The following ARPC5 variants were observed in gnomAD, a reference collection of about 807,000 sequenced individuals.
ARPC5 encodes actin related protein 2/3 complex subunit 5.
A neutral mutation model predicts 15.4 loss-of-function variants in ARPC5; 5 were observed. That is an observed-to-expected ratio of 0.32 (90% CI 0.17 to 0.68). The LOEUF (loss-of-function observed/expected upper bound fraction) is 0.68, where lower values mean the gene tolerates loss of function less well. Ranked by LOEUF, ARPC5 falls within the 30% of genes least tolerant of loss-of-function variation. ARPC5 has a pLI of 0.71. For synonymous variants in ARPC5, 85 were observed against 72.2 expected (o/e 1.18, Z -0.90); for missense variants, 138 against 192.8 (o/e 0.72, Z 1.68).
At chr1:183,630,194 T>A (rs1274664193) in intron 3 of ARPC5, 2 of 289,788 alleles carry the variant, frequency 6.9e-6, no homozygotes, top group Non-Finnish European at 1.3e-5. Context: ...TATTGCTTAT[T>A]TTCTTTTACA....
At position 183,627,507 on chromosome 1, in the gene ARPC5, G is replaced by C; in HGVS notation, c.*25C>G. On this transcript the variant is annotated 3_prime_UTR_variant, in exon 4 of 4. Transcript: ENST00000359856. ...TTGTACCAGCAATTCCCACTCCCGA[G>C]GCAGATAATCCACTTCCTGCCAGAC... 2.5e-6 allele frequency: 4 copies of C among 1,609,130 alleles called. No individual in the cohort carries two copies. The highest frequency in any genetic ancestry group is 3.4e-6 in the Non-Finnish European group (4 of 1,175,672).
chr1:183,630,762 G>A, intron 2 of ARPC5, 125 bp from the exon 3 acceptor site: 1 of 856,662 alleles, frequency 1.2e-6, no homozygotes, highest in Non-Finnish European at 1.8e-6. Flanking sequence ...AAGAAGGCTT[G>A]GGATAACTGA....
intron 2 of ARPC5, chr1:183,632,211 G>C (rs576388930): frequency 3.1e-4 from 47 of 152,236 alleles, no homozygotes; most frequent in African/African-American, 1.1e-3. Context: ...TTGATGCTAT[G>C]GGCATCATTT....
At chr1:183,633,912 T>C (rs1427350498) in intron 1 of ARPC5, 2 of 152,212 alleles carry the variant, frequency 1.3e-5, no homozygotes, top group African/African-American at 4.8e-5. Context: ...ACCACAGAGT[T>C]CACTTGTTCC....
Position 183,627,589 on chromosome 1 carries a change from A to G in ARPC5, c.399T>C (p.Leu133=), listed in dbSNP as rs1649143475. The G allele has an allele frequency of 6.2e-7, 1 of 1,613,640 alleles. No individual in the cohort carries two copies. Residue 133 remains leucine, a synonymous_variant, in exon 4 of 4, where the codon CTT becomes CTC. Coordinates refer to ENST00000359856, the MANE Select transcript of ARPC5 (RefSeq NM_005717.4). ...CAATGGACCCTACTCCTCCAGCAGC[A>G]AGTGCCTAAAAACAAACCAAGATGT... ...AMLLQWHEKA[L]AAGGVGSIVR...
chr1:183,634,644 T>G (rs1037800181), intron 1 of ARPC5, among the ~76,000 whole-genome samples: 1 of 152,232 alleles, frequency 6.6e-6, no homozygotes, highest in African/African-American at 2.4e-5. Flanking sequence ...CTGCCATATT[T>G]TAACTAAAAT....
At chr1:183,627,895 C>T (rs555927660) in intron 3 of ARPC5, among the ~76,000 whole-genome samples, 3 of 151,886 alleles carry the variant, frequency 2.0e-5, no homozygotes, top group Non-Finnish European at 2.9e-5. Flanking sequence ...CAGCATAGGC[C>T]GGGCGCGGTG....
rs772954432 is a variant in ARPC5 at position 183,635,534 on chromosome 1, C to A, written c.126G>T (p.Val42=). 3 of 1,612,396 alleles carry A rather than the reference C, an allele frequency of 1.9e-6. No homozygotes were observed. Among genetic ancestry groups the A allele is most frequent in the Non-Finnish European group, 2.5e-6 (3 of 1,179,488 alleles). ...AAGGATATTGCCGCAGGCAGGAGTCCACCTCGCCCTCGTCGGGCCCGGCCT... is the reference window on the plus strand; with the variant it reads ...AAGGATATTGCCGCAGGCAGGAGTCAACCTCGCCCTCGTCGGGCCCGGCCT... ...DGQAGPDEGE[V]DSCLRQGNMT... The change falls in exon 1 of 4, where the codon GTG becomes GTT. Residue 42 remains valine (V), a synonymous_variant. Transcript: ENST00000359856.
intron 2 of ARPC5, 37 bp from the exon 3 acceptor site, chr1:183,630,674 T>G (rs755526506): frequency 4.4e-6 from 7 of 1,583,798 alleles, no homozygotes; most frequent in African/African-American, 1.4e-5. Context: ...TTTAGACATA[T>G]CTGTATGAGG....
At chr1:183,633,930 C>G (rs1251565301) in intron 1 of ARPC5, 3 of 152,188 alleles carry the variant, frequency 2.0e-5, no homozygotes, top group Non-Finnish European at 4.4e-5. Context: ...TCCTCCAACT[C>G]TAGTACCCCA....
At position 183,634,901 on chromosome 1, in the gene ARPC5, CCTT is replaced by C. The variant is rs748276518; in HGVS notation, c.143+613_143+615del. On this transcript the variant is annotated intron_variant, in intron 1 of 3. Transcript: ENST00000359856. ...GTACAATGTATATTTTGCCAAATCC[CCTT>C]CTTCTTCTTCTTTTTTTTTTTTTTT... 9.9e-3 allele frequency among the ~76,000 whole-genome samples: 1,449 copies of C among 147,000 alleles called. 7 individuals are homozygous for C. Among genetic ancestry groups the C allele is most frequent in the African/African-American group, 0.023 (885 of 38,658 alleles).
rs778352916 is a variant in ARPC5, at chr1:183,635,588, G to A, written c.72C>T (p.Phe24=). ...CGTCGCCCCCATCTTCTTCGTCCAC[G>A]AACTTGTTCTCGTCATATTCATCCA... ...VDVDEYDENK[F]VDEEDGGDGQ... The change falls in exon 1 of 4, where the codon TTC becomes TTT. Residue 24 remains phenylalanine, a synonymous_variant. Transcript: ENST00000359856. 1 of 1,613,676 alleles carries A rather than the reference G, an allele frequency of 6.2e-7. No individual in the cohort carries two copies. Among genetic ancestry groups the A allele is most frequent in the South Asian group, 1.1e-5 (1 of 91,028 alleles).
At position 183,623,385 on chromosome 1, in the gene ARPC5, A is replaced by C; in HGVS notation, c.*4147T>G. The stretch of plus-strand genomic sequence containing the variant: ...TTGTGGTTGGATCATCAATGTGGTG[A>C]AGTAGCACCACCTTGAGGCAGATGA... On this transcript the variant is annotated 3_prime_UTR_variant, in exon 4 of 4. Transcript: ENST00000359856. 2.6e-6 allele frequency: 4 copies of C among 1,542,566 alleles called. No individual in the cohort carries two copies. The highest frequency in any genetic ancestry group is 3.5e-6 in the Non-Finnish European group (4 of 1,139,704).
intron 3 of ARPC5, 110 bp downstream of exon 3, chr1:183,630,351 A>G (rs950787344): frequency 5.6e-6 from 5 of 894,998 alleles, no homozygotes; most frequent in Admixed American, 3.2e-5. Context: ...TTTATTTGTA[A>G]TAACAAAAAT....
chr1:183,628,919 T>C (rs565820030), intron 3 of ARPC5, among the ~76,000 whole-genome samples: 2 of 152,318 alleles, frequency 1.3e-5, no homozygotes, highest in African/African-American at 4.8e-5. Flanking sequence ...AAAGATATCA[T>C]TTTGATGGCT....
chr1:183,635,770 A>G lies in ARPC5; in HGVS notation c.-111T>C, dbSNP rs2767305. On this transcript the variant is annotated 5_prime_UTR_variant, in exon 1 of 4. Transcript: ENST00000359856. ...TGATTCACTTCCCTCTTCCGCTCTG[A>G]GGCGTCGCCGACTGCCGCGGCTCGG... The G allele has an allele frequency of 0.47, 677,109 of 1,438,206 alleles. 163,394 individuals are homozygous for G. The highest frequency in any genetic ancestry group is 0.74 in the African/African-American group (51,561 of 69,908). The allele number at this position is 1,438,206 out of a possible 1,614,324, so 89.1% of individuals were successfully genotyped here.
At chr1:183,627,861 C>A (rs34016130) in intron 3 of ARPC5, among the ~76,000 whole-genome samples, 1 of 152,220 alleles carries the variant, frequency 6.6e-6, no homozygotes, top group East Asian at 1.9e-4. Context: ...TACATTAATT[C>A]TAAATAATGT....
chr1:183,624,896 C>T lies in ARPC5; in HGVS notation c.*2636G>A, dbSNP rs1217396446. The T allele has an allele frequency of 6.6e-6, 1 of 152,122 alleles. No individual in the cohort carries two copies. The highest frequency in any genetic ancestry group is 6.5e-5 in the Admixed American group (1 of 15,280). 9.4% of individuals were successfully genotyped at this position (152,122 alleles called of 1,614,324 possible). ...GTTATGTCCTCATGATCCTGGGATC[C>T]ACAGGAAATGCTTTAAAAAGAATTC... On this transcript the variant is annotated 3_prime_UTR_variant, in exon 4 of 4. Coordinates refer to ENST00000359856, the MANE Select transcript of ARPC5 (RefSeq NM_005717.4).
rs138086904 is a variant in ARPC5 at position 183,633,112 on chromosome 1, G to T, written c.186C>A (p.Pro62=). Residue 62 remains proline, a synonymous_variant, in exon 2 of 4, where the codon CCC becomes CCA. Coordinates refer to ENST00000359856, the MANE Select transcript of ARPC5 (RefSeq NM_005717.4). The stretch of plus-strand genomic sequence containing the variant: ...CTGCCTGACTCTTGGTGTTGATAGG[G>T]GGGTTCTTCAGAGCTGCCTGTAGGG... ...TAALQAALKN[P]PINTKSQAVK... is the part of the protein sequence containing the mutation. 5.0e-6 allele frequency: 8 copies of T among 1,604,724 alleles called. No homozygotes were observed. Among genetic ancestry groups the T allele is most frequent in the Non-Finnish European group, 6.8e-6 (8 of 1,176,228 alleles).
Sources: gnomAD v4.1 joint callset for allele counts (sites outside exome capture counted in the v4.1 genomes callset) on GRCh38, gnomAD v4.1.1 for gene constraint, MANE v1.5 for transcripts, NCBI Gene and HGNC (gene_info 2026-07-23, HGNC 2026-07-21) for gene names.